MCC: variants seen among roughly 807,000 people sequenced by gnomAD.
MCC encodes colorectal mutant cancer protein.
Under a neutral mutation model 116.2 loss-of-function variants are expected in MCC, and 90 were observed. The observed-to-expected ratio is 0.77, with a 90% CI of 0.65 to 0.92. The LOEUF (loss-of-function observed/expected upper bound fraction) is 0.92, where lower values mean the gene tolerates loss of function less well. Among genes scored for constraint, MCC ranks in the 40% least tolerant of loss-of-function variants. MCC has a pLI of 0.00. For missense variants in MCC, 1,516 were observed against 1,312.2 expected, an observed-to-expected ratio of 1.16 and a Z score of -2.40; for synonymous variants, 578 against 510.5, an observed-to-expected ratio of 1.13 and a Z score of -1.78.
chr5:113,289,746 CTG>C (rs1349748968), intron 3 of MCC, among the ~76,000 whole-genome samples: 1 of 152,208 alleles, frequency 6.6e-6, no homozygotes, highest in Non-Finnish European at 1.5e-5. Flanking sequence ...GCTCTAGTCA[CTG>C]ACACAAGTCT....
At chr5:113,172,062 A>G (rs967343151) in intron 3 of MCC, among the ~76,000 whole-genome samples, 2 of 152,208 alleles carry the variant, frequency 1.3e-5, no homozygotes, top group Non-Finnish European at 2.9e-5. Context: ...AGGATTCTAT[A>G]TGAGAACAGG....
At chr5:113,286,739 T>G (rs1353902569) in intron 3 of MCC, among the ~76,000 whole-genome samples, 2 of 152,238 alleles carry the variant, frequency 1.3e-5, no homozygotes, top group Non-Finnish European at 2.9e-5. Flanking sequence ...CAGAATTTTT[T>G]TCCCTAAAAG....
intron 3 of MCC, among the ~76,000 whole-genome samples, chr5:113,273,387 T>A (rs1581350110): frequency 6.6e-6 from 1 of 152,210 alleles, no homozygotes; most frequent in Non-Finnish European, 1.5e-5. Flanking sequence ...AAAGTTGATA[T>A]AAAGCTGGAA....
chr5:113,384,947 C>T (rs749080040), intron 2 of MCC, 21 bp downstream of exon 2: 3 of 1,613,206 alleles, frequency 1.9e-6, no homozygotes, highest in Non-Finnish European at 2.5e-6. Flanking sequence ...TGCCATAAAA[C>T]TGCCACCTGG....
chr5:113,265,229 T>G (rs945675823), intron 3 of MCC, among the ~76,000 whole-genome samples: 1 of 152,184 alleles, frequency 6.6e-6, no homozygotes, highest in Non-Finnish European at 1.5e-5. Flanking sequence ...AAGTCTGCTA[T>G]GCCTCTGAGT....
chr5:113,131,507 T>C (rs1285698273), intron 5 of MCC, among the ~76,000 whole-genome samples: 2 of 152,194 alleles, frequency 1.3e-5, no homozygotes, highest in African/African-American at 2.4e-5. Flanking sequence ...TAGGATACAT[T>C]AGGCAGGGTT....
Position 113,411,558 on chromosome 5 carries a change from C to A in MCC, c.171-26346G>T, listed in dbSNP as rs565848517. On this transcript the variant is annotated intron_variant, in intron 1 of 18. Coordinates refer to ENST00000408903, the MANE Select transcript of MCC (RefSeq NM_001085377.2). The stretch of plus-strand genomic sequence containing the variant: ...ATGCATTCTCTCTAAGTTTCAGGAG[C>A]GATTTTTTTTTTCAGGAGTAATTCT... 6.1e-4 allele frequency among the ~76,000 whole-genome samples: 88 copies of A among 144,984 alleles called. 1 individual carries two copies. The highest frequency in any genetic ancestry group is 2.2e-3 in the African/African-American group (83 of 37,146).
intron 3 of MCC, among the ~76,000 whole-genome samples, chr5:113,292,723 G>A (rs1016800594): frequency 2.0e-5 from 3 of 152,096 alleles, no homozygotes; most frequent in Non-Finnish European, 2.9e-5. Context: ...CTAAGTCTGC[G>A]ATTCATTTAA....
At chr5:113,415,816 C>T (rs1370166216) in intron 1 of MCC, among the ~76,000 whole-genome samples, 3 of 152,170 alleles carry the variant, frequency 2.0e-5, no homozygotes, top group South Asian at 2.1e-4. Flanking sequence ...CCATTGCTGG[C>T]GAGGAGCTGT....
At chr5:113,428,382 C>A (rs533075537) in intron 1 of MCC, among the ~76,000 whole-genome samples, 2 of 152,310 alleles carry the variant, frequency 1.3e-5, no homozygotes, top group South Asian at 2.1e-4. Context: ...CAGCTGCCAG[C>A]AGGGTTGGCT....
At chr5:113,151,018 T>C (rs1479270274) in intron 4 of MCC, among the ~76,000 whole-genome samples, 1 of 152,194 alleles carries the variant, frequency 6.6e-6, no homozygotes, top group Non-Finnish European at 1.5e-5. Flanking sequence ...CACTCCAGCT[T>C]GGGTGACAGA....
Position 113,343,346 on chromosome 5 carries a change from A to T in MCC, c.416-2616T>A, listed in dbSNP as rs556216238. Reference sequence around the variant, plus strand: ...TGTCACTATATTTGCAATTGCTCCAAGTTTACTTTAATGTTAAAGTCTATT... The same window carrying T: ...TGTCACTATATTTGCAATTGCTCCATGTTTACTTTAATGTTAAAGTCTATT... On this transcript the variant is annotated intron_variant, in intron 2 of 18. Transcript: ENST00000408903. Among the ~76,000 whole-genome samples the T allele has an allele frequency of 7.2e-5, 11 of 152,316 alleles. No individual in the cohort carries two copies. In the South Asian group the frequency reaches 2.3e-3, roughly 32 times the overall value.
intron 3 of MCC, among the ~76,000 whole-genome samples, chr5:113,249,410 A>T (rs940809966): frequency 3.9e-5 from 6 of 152,178 alleles, no homozygotes; most frequent in Non-Finnish European, 5.9e-5. Flanking sequence ...ACAATTCCTT[A>T]TATCTCTGCA....
intron 1 of MCC, among the ~76,000 whole-genome samples, chr5:113,483,227 T>A (rs1350998940): frequency 6.6e-6 from 1 of 152,222 alleles, no homozygotes; most frequent in African/African-American, 2.4e-5. Context: ...TTGTTCTTTT[T>A]CAAGATTGTT....
chr5:113,480,683 T>G (rs1280555159), intron 1 of MCC, among the ~76,000 whole-genome samples: 2 of 152,240 alleles, frequency 1.3e-5, no homozygotes, highest in African/African-American at 4.8e-5. Context: ...GCTGCATCCC[T>G]AAATATTTTG....
rs1480880813 is a variant in MCC at position 113,025,692 on chromosome 5, C to T, written c.*1610G>A. On this transcript the variant is annotated 3_prime_UTR_variant, in exon 19 of 19. Transcript: ENST00000408903. ...TGATCAAAGCACCCCAAAGCTGGTC[C>T]TTCTAGACTGATACCAGTTGATCTG... 2.0e-5 allele frequency: 3 copies of T among 152,068 alleles called. No homozygotes were observed. In the East Asian group the frequency reaches 5.8e-4, roughly 29 times the overall value. The allele number at this position is 152,068 out of a possible 1,614,324, so 9.4% of individuals were successfully genotyped here.
At chr5:113,042,910 A>G (rs2150215142) in intron 17 of MCC, among the ~76,000 whole-genome samples, 1 of 152,282 alleles carries the variant, frequency 6.6e-6, no homozygotes, top group East Asian at 1.9e-4. Context: ...GGCTACTAGA[A>G]AATTTACAAG....
intron 8 of MCC, among the ~76,000 whole-genome samples, chr5:113,087,725 A>C (rs564078693): frequency 6.6e-6 from 1 of 152,094 alleles, no homozygotes; most frequent in South Asian, 2.1e-4. Flanking sequence ...ATTGCACTCA[A>C]GACAATCAGT....
chr5:113,242,001 C>A (rs1310171945), intron 3 of MCC, among the ~76,000 whole-genome samples: 1 of 152,166 alleles, frequency 6.6e-6, no homozygotes, highest in Non-Finnish European at 1.5e-5. Flanking sequence ...TAGAGAACGA[C>A]CAAATCAAAC....
Sources: allele counts gnomAD v4.1 joint callset (sites outside exome capture counted in the v4.1 genomes callset), GRCh38; gene constraint gnomAD v4.1.1; transcripts MANE v1.5; gene names NCBI Gene and HGNC (gene_info 2026-07-23, HGNC 2026-07-21).